The following RERE variants were observed in gnomAD, a reference collection of about 807,000 sequenced individuals.
RERE encodes the protein arginine-glutamic acid dipeptide repeats, also known as arginine-glutamic acid dipeptide repeats protein.
RERE carries 40 observed loss-of-function variants against 146.1 expected under a neutral mutation model. The ratio of observed to expected loss-of-function variants is 0.27; its 90% confidence interval spans 0.21 to 0.36. RERE has a LOEUF of 0.36. Among genes scored for constraint, RERE ranks in the 10% least tolerant of loss-of-function variants. RERE has a pLI of 1.00. For missense variants in RERE, 1,933 were observed against 2,138.7 expected (o/e 0.90, Z 1.90); for synonymous variants, 1,003 against 866.0 (o/e 1.16, Z -2.78).
At chr1:8,655,881 T>C in intron 2 of RERE, 92 bp downstream of exon 2, 5 of 1,521,862 alleles carry the variant, frequency 3.3e-6, no homozygotes, top group Non-Finnish European at 3.5e-6. Flanking sequence ...CAAGCCTTCC[T>C]TAAAGTGTAC....
intron 2 of RERE, among the ~76,000 whole-genome samples, chr1:8,647,302 T>A (rs1647361389): frequency 6.6e-6 from 1 of 152,150 alleles, no homozygotes; most frequent in Non-Finnish European, 1.5e-5. Context: ...GGCAACTAGG[T>A]CACAGAGGGT....
At chr1:8,729,581 CCATACTTGAAA>C (rs1640042396) in intron 1 of RERE, among the ~76,000 whole-genome samples, 1 of 152,010 alleles carries the variant, frequency 6.6e-6, no homozygotes, top group Non-Finnish European at 1.5e-5. Context: ...TGGCAGAGTT[CCATACTTGAAA>C]CAGAGACCAT....
rs180766466 is a variant in RERE, at chr1:8,592,884, C to T, written c.522+21677G>A. On this transcript the variant is annotated intron_variant, in intron 4 of 22. Transcript: ENST00000400908. ...CATTAAAATACAAATACATGTAAAA[C>T]GTGTTGAAACTGTTCTTACCTACAA... Among the ~76,000 whole-genome samples, 17 of 152,198 alleles carry T rather than the reference C, an allele frequency of 1.1e-4. No individual in the cohort carries two copies. The East Asian group carries it at 2.7e-3, about 24-fold the overall frequency.
chr1:8,467,364 T>A (rs1419702667), intron 10 of RERE, among the ~76,000 whole-genome samples: 1 of 152,182 alleles, frequency 6.6e-6, no homozygotes, highest in Non-Finnish European at 1.5e-5. Context: ...CAAGATCAAG[T>A]AGGTTGTAAT....
At chr1:8,534,776 C>T (rs1413384248) in intron 7 of RERE, among the ~76,000 whole-genome samples, 2 of 152,196 alleles carry the variant, frequency 1.3e-5, no homozygotes, top group African/African-American at 4.8e-5. Context: ...AAAAGAGACA[C>T]CGTACAATGG....
chr1:8,591,386 T>C (rs954512934), intron 4 of RERE, among the ~76,000 whole-genome samples: 3 of 151,450 alleles, frequency 2.0e-5, no homozygotes, highest in Non-Finnish European at 2.9e-5. Context: ...TGACCACCCA[T>C]TGACAGTGAA....
At chr1:8,395,821 A>C (rs895872536) in intron 12 of RERE, among the ~76,000 whole-genome samples, 4 of 152,312 alleles carry the variant, frequency 2.6e-5, no homozygotes, top group African/African-American at 9.6e-5. Context: ...AGGAGGAAGT[A>C]TGAGAGGTTC....
chr1:8,603,272 A>G (rs548576329), intron 4 of RERE, among the ~76,000 whole-genome samples: 2 of 152,404 alleles, frequency 1.3e-5, no homozygotes, highest in South Asian at 4.1e-4. Flanking sequence ...GATGGCCTCA[A>G]TGTGCCAAGG....
intron 4 of RERE, among the ~76,000 whole-genome samples, chr1:8,587,679 T>C (rs1399749513): frequency 6.6e-6 from 1 of 152,170 alleles, no homozygotes; most frequent in Non-Finnish European, 1.5e-5. Flanking sequence ...TAAAATCTAG[T>C]TTCTCAGCTT....
chr1:8,420,465 T>TC (rs1643893869), intron 12 of RERE, among the ~76,000 whole-genome samples: 1 of 152,094 alleles, frequency 6.6e-6, no homozygotes, highest in African/African-American at 2.4e-5. Context: ...ACCTCTGCCC[T>TC]CCCCTCCCTG....
chr1:8,606,559 T>A (rs1166303372), intron 4 of RERE, among the ~76,000 whole-genome samples: 1 of 152,152 alleles, frequency 6.6e-6, no homozygotes, highest in African/African-American at 2.4e-5. Flanking sequence ...TTAATCAAGC[T>A]AAAAAATAGG....
At position 8,688,230 on chromosome 1, in the gene RERE, G is replaced by A. The variant is rs530814777; in HGVS notation, c.-144-31789C>T. ...AGTCAGGAGGATCGCTTGAACCAAC[G>A]AGTTTGAGAGGAGCCTGGAGAACAT... On this transcript the variant is annotated intron_variant, in intron 1 of 22. Coordinates refer to ENST00000400908, the MANE Select transcript of RERE (RefSeq NM_001042681.2). 7.9e-5 allele frequency among the ~76,000 whole-genome samples: 12 copies of A among 152,248 alleles called. No individual in the cohort carries two copies. The South Asian group carries it at 1.7e-3, about 21-fold the overall frequency.
chr1:8,389,827 G>C (rs372343345), intron 12 of RERE, among the ~76,000 whole-genome samples: 2 of 152,312 alleles, frequency 1.3e-5, no homozygotes, highest in East Asian at 3.9e-4. Context: ...CCATTTGTGA[G>C]GAGAAATCAG....
At chr1:8,355,260 A>G in intron 22 of RERE, 140 bp from the exon 23 acceptor site, 1 of 1,139,176 alleles carries the variant, frequency 8.8e-7, no homozygotes, top group African/African-American at 1.5e-5. Flanking sequence ...CTACCCTCCC[A>G]ACACCTCCCT....
intron 7 of RERE, among the ~76,000 whole-genome samples, chr1:8,520,760 A>ACAAAAAC (rs1557670079): frequency 2.7e-5 from 4 of 149,302 alleles, no homozygotes; most frequent in Non-Finnish European, 4.5e-5. Flanking sequence ...TTTTTAAAAA[A>ACAAAAAC]AAAAAAAAAA....
chr1:8,529,287 C>CTTTTTTTTTTTTTTTTTTTTTT (rs34547801), intron 7 of RERE, among the ~76,000 whole-genome samples: 3 of 102,440 alleles, frequency 2.9e-5, no homozygotes, highest in African/African-American at 1.2e-4. Flanking sequence ...GTTCTCCCTT[C>CTTTTTTTTTTTTTTTTTTTTTT]TTTTTTTTTT....
chr1:8,564,832 A>ATGTATG, intron 4 of RERE, among the ~76,000 whole-genome samples: 1 of 139,102 alleles, frequency 7.2e-6, no homozygotes, highest in South Asian at 2.3e-4. Context: ...GTATATGTGT[A>ATGTATG]TGTGTGTGTG....
intron 12 of RERE, among the ~76,000 whole-genome samples, chr1:8,409,033 C>A (rs771906523): frequency 6.6e-6 from 1 of 152,224 alleles, no homozygotes; most frequent in African/African-American, 2.4e-5. Context: ...TGCCCAAGAA[C>A]TGAAATCATT....
chr1:8,612,994 AGCAAATATGT>A (rs1557435056), intron 4 of RERE, among the ~76,000 whole-genome samples: 1 of 152,226 alleles, frequency 6.6e-6, no homozygotes, highest in Admixed American at 6.5e-5. Flanking sequence ...TAATTACATC[AGCAAATATGT>A]AAACGTGTTA....
Sources: allele counts gnomAD v4.1 joint callset (sites outside exome capture counted in the v4.1 genomes callset), GRCh38; gene constraint gnomAD v4.1.1; transcripts MANE v1.5; gene names NCBI Gene and HGNC (gene_info 2026-07-23, HGNC 2026-07-21).